Variants in TNIK observed in about 807,000 individuals in gnomAD.
TNIK encodes TRAF2 and NCK interacting kinase, also known as TRAF2 and NCK-interacting protein kinase.
TNIK carries 49 observed loss-of-function variants against 191.3 expected under a neutral mutation model. The observed-to-expected ratio is 0.26, with a 90% CI of 0.20 to 0.32. TNIK has a LOEUF of 0.32. Ranked by LOEUF, TNIK falls within the 10% of genes least tolerant of loss-of-function variation. The pLI is 1.00. For synonymous variants in TNIK, 594 were observed against 600.9 expected, an observed-to-expected ratio of 0.99 and a Z score of 0.17; for missense variants, 1,155 against 1,702.3, an observed-to-expected ratio of 0.68 and a Z score of 5.66.
chr3:171,283,883 G>A (rs61794366), intron 2 of TNIK, among the ~76,000 whole-genome samples: 30,971 of 152,156 alleles, frequency 0.2, 3,392 homozygotes, highest in South Asian at 0.25. Flanking sequence ...CATCTTCCAG[G>A]TTTTCCACAA....
intron 2 of TNIK, among the ~76,000 whole-genome samples, chr3:171,312,130 AAAAAAAAAAAAG>A (rs896682716): frequency 6.1e-5 from 9 of 147,494 alleles, no homozygotes; most frequent in South Asian, 2.2e-4. Context: ...AAAAAAAAAA[AAAAAAAAAAAAG>A]GGCTAGACTG....
chr3:171,116,897 A>AT (rs1354510806), intron 18 of TNIK, among the ~76,000 whole-genome samples: 4 of 152,216 alleles, frequency 2.6e-5, no homozygotes, highest in African/African-American at 9.7e-5. Flanking sequence ...AGGAGTTTAC[A>AT]TAGCAGGTGA....
chr3:171,185,487 C>T (rs866726852), intron 7 of TNIK, among the ~76,000 whole-genome samples: 1 of 152,172 alleles, frequency 6.6e-6, no homozygotes, highest in Non-Finnish European at 1.5e-5. Context: ...GCCCCACATA[C>T]TTATCAGGGA....
chr3:171,335,292 G>A (rs1399873224), intron 2 of TNIK, among the ~76,000 whole-genome samples: 1 of 152,098 alleles, frequency 6.6e-6, no homozygotes, highest in Admixed American at 6.5e-5. Context: ...TCCAAATTTT[G>A]TTTTTTCTTG....
chr3:171,085,014 G>T, intron 25 of TNIK, 104 bp downstream of exon 25: 2 of 800,404 alleles, frequency 2.5e-6, no homozygotes, highest in Non-Finnish European at 3.8e-6. Context: ...TAGGACCTAA[G>T]CAGTAATCAG....
intron 2 of TNIK, among the ~76,000 whole-genome samples, chr3:171,323,152 T>C (rs528935144): frequency 3.9e-5 from 6 of 152,324 alleles, no homozygotes; most frequent in Admixed American, 2.0e-4. Context: ...TCTAGAAAGA[T>C]TGAAATATCT....
chr3:171,207,552 A>C (rs904260378), intron 4 of TNIK, among the ~76,000 whole-genome samples: 1 of 152,094 alleles, frequency 6.6e-6, no homozygotes, highest in Non-Finnish European at 1.5e-5. Context: ...GGAGAAAAAA[A>C]GTCAGGATAC....
Position 171,126,133 on chromosome 3 carries a change from C to T in TNIK, c.1792G>A (p.Val598Ile). The T allele has an allele frequency of 1.3e-6, 2 of 1,545,582 alleles. No homozygotes were observed. The highest frequency in any genetic ancestry group is 1.7e-6 in the Non-Finnish European group (2 of 1,149,666). ...VDPQIPHLVA[V>I]KSQGPALTAS... ...GTCAAGGCAGGTCCCTGGGATTTTACAGCTACCAGATGTGGGATCTAAGCA... is the reference window on the plus strand; with the variant it reads ...GTCAAGGCAGGTCCCTGGGATTTTATAGCTACCAGATGTGGGATCTAAGCA... Residue 598 changes from valine to isoleucine, a missense_variant, in exon 17 of 33, where the codon GTA becomes ATA. Physicochemically the swap from Val to Ile is conservative, Grantham distance 29. Coordinates refer to ENST00000436636, the MANE Select transcript of TNIK (RefSeq NM_015028.4).
At chr3:171,374,061 A>G (rs1716895611) in intron 1 of TNIK, among the ~76,000 whole-genome samples, 1 of 152,230 alleles carries the variant, frequency 6.6e-6, no homozygotes, top group Admixed American at 6.5e-5. Flanking sequence ...ACTGCTAGAT[A>G]TAACTATTTA....
chr3:171,137,459 T>C (rs989936414), intron 15 of TNIK, among the ~76,000 whole-genome samples: 4 of 152,218 alleles, frequency 2.6e-5, no homozygotes, highest in African/African-American at 9.6e-5. Flanking sequence ...GTTATGCACA[T>C]GACCTCACAC....
chr3:171,168,927 T>C (rs1367802123), intron 9 of TNIK, among the ~76,000 whole-genome samples: 2 of 152,204 alleles, frequency 1.3e-5, no homozygotes, highest in African/African-American at 2.4e-5. Flanking sequence ...GTCTGCACTT[T>C]TGAGGGACAG....
At chr3:171,368,022 A>G (rs765886551) in intron 2 of TNIK, among the ~76,000 whole-genome samples, 1 of 152,178 alleles carries the variant, frequency 6.6e-6, no homozygotes, top group East Asian at 1.9e-4. Flanking sequence ...TTCCCTCTCT[A>G]AAAAGATCTG....
chr3:171,258,738 T>C (rs1395092295), intron 2 of TNIK, among the ~76,000 whole-genome samples: 1 of 152,182 alleles, frequency 6.6e-6, no homozygotes, highest in African/African-American at 2.4e-5. Context: ...TCCACCTGGT[T>C]CCCATAATTT....
intron 2 of TNIK, among the ~76,000 whole-genome samples, chr3:171,257,103 AG>A (rs1746973411): frequency 1.3e-5 from 2 of 152,324 alleles, no homozygotes; most frequent in Admixed American, 6.5e-5. Flanking sequence ...GAAGTCATGA[AG>A]GAGGCAGCCC....
At chr3:171,185,177 CCGTGTG>C (rs747987461) in intron 7 of TNIK, among the ~76,000 whole-genome samples, 1 of 117,958 alleles carries the variant, frequency 8.5e-6, no homozygotes, top group Non-Finnish European at 1.7e-5. Flanking sequence ...TATAGATTTC[CCGTGTG>C]TGTGTGTGTG....
At chr3:171,351,202 T>C (rs1335386660) in intron 2 of TNIK, among the ~76,000 whole-genome samples, 1 of 152,084 alleles carries the variant, frequency 6.6e-6, no homozygotes, top group Admixed American at 6.6e-5. Context: ...GCCCTATGTA[T>C]TCTTCATGCA....
rs572853003 is a variant in TNIK, at chr3:171,137,291, A to G, written c.1608+900T>C. On this transcript the variant is annotated intron_variant, in intron 15 of 32. Coordinates refer to ENST00000436636, the MANE Select transcript of TNIK (RefSeq NM_015028.4). ...TCTGGTTCTAGTAATATTGCATTCT[A>G]GATAACTTGAAAAAAGCGTGAGCTA... Among the ~76,000 whole-genome samples, 3 of 152,042 alleles carry G rather than the reference A, an allele frequency of 2.0e-5. No homozygotes were observed. In the East Asian group the frequency reaches 5.8e-4, roughly 29 times the overall value.
chr3:171,168,281 G>A (rs557211404), intron 9 of TNIK, among the ~76,000 whole-genome samples: 2 of 152,272 alleles, frequency 1.3e-5, no homozygotes, highest in South Asian at 4.2e-4. Flanking sequence ...GATGAAACTC[G>A]GGTCACCCTT....
At chr3:171,313,388 TGA>T (rs1754265302) in intron 2 of TNIK, among the ~76,000 whole-genome samples, 1 of 152,052 alleles carries the variant, frequency 6.6e-6, no homozygotes, top group African/African-American at 2.4e-5. Context: ...GCTGTGGATG[TGA>T]GGGGTCAGGT....
Sources: gnomAD v4.1 joint callset for allele counts (sites outside exome capture counted in the v4.1 genomes callset) on GRCh38, gnomAD v4.1.1 for gene constraint, MANE v1.5 for transcripts, NCBI Gene and HGNC (gene_info 2026-07-23, HGNC 2026-07-21) for gene names.